The following PARD3B variants were observed in gnomAD, a reference collection of about 807,000 sequenced individuals.
The protein encoded by PARD3B is par-3 family cell polarity regulator beta, also known as partitioning defective 3 homolog B.
PARD3B carries 103 observed loss-of-function variants against 130.2 expected under a neutral mutation model. The ratio of observed to expected loss-of-function variants is 0.79; its 90% CI spans 0.67 to 0.93. The LOEUF is 0.93. PARD3B is among the 40% of genes least tolerant of loss of function. The probability of loss-of-function intolerance (pLI) is 0.00; values close to 1 mark genes in which losing one functional copy is unlikely to be tolerated. For synonymous variants in PARD3B, 583 were observed against 553.2 expected, an observed-to-expected ratio of 1.05 and a Z score of -0.76; for missense variants, 1,609 against 1,499.2, an observed-to-expected ratio of 1.07 and a Z score of -1.21.
intron 19 of PARD3B, among the ~76,000 whole-genome samples, chr2:205,413,832 T>C (rs1008164818): frequency 7.2e-5 from 11 of 152,170 alleles, no homozygotes; most frequent in Non-Finnish European, 1.6e-4. Context: ...TGTTGTTGTT[T>C]TCAAATTGGG....
chr2:205,101,832 A>G (rs1702808175), intron 4 of PARD3B, among the ~76,000 whole-genome samples: 1 of 152,232 alleles, frequency 6.6e-6, no homozygotes, highest in Non-Finnish European at 1.5e-5. Flanking sequence ...CCTTTGAGAC[A>G]GAAATTAGAT....
intron 15 of PARD3B, among the ~76,000 whole-genome samples, chr2:205,214,343 G>T (rs2037800927): frequency 6.6e-6 from 1 of 151,984 alleles, no homozygotes; most frequent in Non-Finnish European, 1.5e-5. Context: ...TTTACCTGAA[G>T]CAACATGAAA....
intron 20 of PARD3B, among the ~76,000 whole-genome samples, chr2:205,455,739 C>G (rs2048251765): frequency 6.6e-6 from 1 of 151,952 alleles, no homozygotes; most frequent in Admixed American, 6.6e-5. Flanking sequence ...TCCTTGTACC[C>G]TTCACCCAAT....
rs570736500 is a variant in PARD3B, at chr2:205,206,170, A to G, written c.2140+12850A>G. The stretch of plus-strand genomic sequence containing the variant: ...CTTATCACTTGCTTTTGTTTCCTAA[A>G]CCATTGTTCATATTTAAATGAAATT... On this transcript the variant is annotated intron_variant, in intron 15 of 22. Transcript: ENST00000406610. Among the ~76,000 whole-genome samples the G allele has an allele frequency of 4.2e-4, 61 of 145,690 alleles. 1 individual carries two copies. In the South Asian group the frequency reaches 9.7e-3, roughly 23 times the overall value.
chr2:204,830,541 CA>C (rs980245946), intron 2 of PARD3B, among the ~76,000 whole-genome samples: 63 of 152,232 alleles, frequency 4.1e-4, no homozygotes, highest in African/African-American at 1.4e-3. Context: ...GGACACCTGG[CA>C]TGTATATTTT....
Position 204,659,531 on chromosome 2 carries a change from G to A in PARD3B, c.121-26650G>A, listed in dbSNP as rs145519806. Among the ~76,000 whole-genome samples, 30 of 152,224 alleles carry A rather than the reference G, an allele frequency of 2.0e-4. 1 individual carries two copies. The East Asian group carries it at 5.8e-3, about 29-fold the overall frequency. On this transcript the variant is annotated intron_variant, in intron 1 of 22. Coordinates refer to ENST00000406610, the MANE Select transcript of PARD3B (RefSeq NM_001302769.2). The stretch of plus-strand genomic sequence containing the variant: ...GTGTGTGAGTTGTGTATATAGCATC[G>A]TGGCTCAGATCCAGTTGATTACCAT...
intron 15 of PARD3B, among the ~76,000 whole-genome samples, chr2:205,194,075 A>G (rs937408835): frequency 2.6e-4 from 39 of 152,240 alleles, no homozygotes; most frequent in African/African-American, 8.7e-4. Flanking sequence ...ACCATTAGAG[A>G]AAAGTATGGA....
intron 2 of PARD3B, among the ~76,000 whole-genome samples, chr2:204,812,336 G>C (rs1348162459): frequency 6.6e-6 from 1 of 152,104 alleles, no homozygotes; most frequent in Non-Finnish European, 1.5e-5. Flanking sequence ...ATTCATCACA[G>C]GGGCATAAGG....
chr2:204,990,888 G>C (rs1434288429), intron 3 of PARD3B, among the ~76,000 whole-genome samples: 1 of 152,044 alleles, frequency 6.6e-6, no homozygotes, highest in Non-Finnish European at 1.5e-5. Context: ...TTTTATTTTA[G>C]CATATGGTGT....
chr2:205,504,006 ATTT>A (rs760016260), intron 21 of PARD3B, among the ~76,000 whole-genome samples: 2 of 152,100 alleles, frequency 1.3e-5, no homozygotes, highest in African/African-American at 4.8e-5. Flanking sequence ...AATGCTTGTG[ATTT>A]TTGCACATTG....
At chr2:205,495,915 G>A (rs375584784) in intron 20 of PARD3B, among the ~76,000 whole-genome samples, 2 of 138,994 alleles carry the variant, frequency 1.4e-5, no homozygotes, top group African/African-American at 5.3e-5. Context: ...CTGTCACACA[G>A]GAATTGTAAA....
At chr2:205,311,064 A>G (rs2042370686) in intron 18 of PARD3B, among the ~76,000 whole-genome samples, 1 of 152,050 alleles carries the variant, frequency 6.6e-6, no homozygotes, top group Non-Finnish European at 1.5e-5. Context: ...ACATTTCTTT[A>G]TCCATTCATC....
rs1421931637 is a variant in PARD3B, at chr2:205,110,625, CTGTTTTT to C, written c.594-2850_594-2844del. Among the ~76,000 whole-genome samples the C allele has an allele frequency of 3.7e-3, 501 of 135,428 alleles. 3 individuals are homozygous for C. Among genetic ancestry groups the C allele is most frequent in the African/African-American group, 0.013 (485 of 37,280 alleles). The allele number at this position is 135,428 out of a possible 152,430, so 88.8% of individuals were successfully genotyped here. On this transcript the variant is annotated intron_variant, in intron 5 of 22. Coordinates refer to ENST00000406610, the MANE Select transcript of PARD3B (RefSeq NM_001302769.2). ...TCTTTTATCTCACACAGTTTATTTT[CTGTTTTT>C]TGTTTTTTGTTTTTTTTGTAAGTGG...
chr2:205,573,808 A>G (rs534000386), intron 22 of PARD3B, among the ~76,000 whole-genome samples: 3 of 152,198 alleles, frequency 2.0e-5, no homozygotes, highest in African/African-American at 7.2e-5. Context: ...CAGGAAATTT[A>G]TACTCTTTGT....
chr2:204,658,322 C>A (rs2035701150), intron 1 of PARD3B, among the ~76,000 whole-genome samples: 1 of 152,106 alleles, frequency 6.6e-6, no homozygotes, highest in African/African-American at 2.4e-5. Flanking sequence ...TTGGTTTATA[C>A]ATTTTCTTCT....
At chr2:205,370,378 G>A (rs1574831994) in intron 18 of PARD3B, among the ~76,000 whole-genome samples, 1 of 152,168 alleles carries the variant, frequency 6.6e-6, no homozygotes, top group Admixed American at 6.5e-5. Context: ...GCAGAAAGTA[G>A]GAGAATCATT....
At chr2:205,488,366 T>C (rs6725061) in intron 20 of PARD3B, among the ~76,000 whole-genome samples, 5,428 of 152,068 alleles carry the variant, frequency 0.036, 329 homozygotes, top group African/African-American at 0.13. Flanking sequence ...GGGTTCGTGC[T>C]CCTATAAGAA....
Position 205,078,818 on chromosome 2 carries a change from G to C in PARD3B, c.505-25608G>C, listed in dbSNP as rs554412803. On this transcript the variant is annotated intron_variant, in intron 4 of 22. Coordinates refer to ENST00000406610, the MANE Select transcript of PARD3B (RefSeq NM_001302769.2). The surrounding 1 kb of genome is among the most constrained non-coding windows in gnomAD (Gnocchi z 4.0). ...TGCTCTGGGACAAGCCAGATGCCAT[G>C]TAAGAAAGTCCATTTCTCTGAGTCC... Among the ~76,000 whole-genome samples, 33 of 152,334 alleles carry C rather than the reference G, an allele frequency of 2.2e-4. No homozygotes were observed. The highest frequency in any genetic ancestry group is 5.2e-4 in the Admixed American group (8 of 15,304).
At chr2:204,648,885 A>G (rs1342651465) in intron 1 of PARD3B, among the ~76,000 whole-genome samples, 1 of 38,762 alleles carries the variant, frequency 2.6e-5, no homozygotes, top group African/African-American at 2.0e-4. Context: ...TTTATAATAT[A>G]TATCATATAA....
Sources: allele counts gnomAD v4.1 joint callset (sites outside exome capture counted in the v4.1 genomes callset), GRCh38; gene constraint gnomAD v4.1.1; non-coding constraint Gnocchi (gnomAD v3.1); transcripts MANE v1.5; gene names NCBI Gene and HGNC (gene_info 2026-07-23, HGNC 2026-07-21).